The following EPHB2 variants were observed in gnomAD, a reference collection of about 807,000 sequenced individuals.
EPHB2 encodes the protein ephrin type-B receptor 2.
EPHB2 carries 18 observed loss-of-function variants against 96.4 expected under a neutral mutation model. That is an observed-to-expected ratio of 0.19 (90% CI 0.13 to 0.28). The LOEUF is 0.28. EPHB2 is among the 10% of genes least tolerant of loss of function. EPHB2 has a pLI of 1.00. For synonymous variants in EPHB2, 506 were observed against 534.1 expected, an observed-to-expected ratio of 0.95 and a Z score of 0.72; for missense variants, 989 against 1,355.4, an observed-to-expected ratio of 0.73 and a Z score of 4.25.
At position 22,913,882 on chromosome 1, in the gene EPHB2, G is replaced by A; in HGVS notation, c.*312G>A. Reference sequence around the variant, plus strand: ...CTTGCGGGGGATAAAAAAGGGCTTGGGAGATTCATGCGATGTGTCCAATCG... The same window carrying A: ...CTTGCGGGGGATAAAAAAGGGCTTGAGAGATTCATGCGATGTGTCCAATCG... On this transcript the variant is annotated 3_prime_UTR_variant, in exon 16 of 16. Transcript: ENST00000374630. The surrounding 1 kb of genome is among the most constrained non-coding windows in gnomAD (Gnocchi z 4.1). 1.3e-6 allele frequency: 2 copies of A among 1,583,960 alleles called. No individual in the cohort carries two copies. Among genetic ancestry groups the A allele is most frequent in the East Asian group, 4.5e-5 (2 of 44,548 alleles).
chr1:22,765,516 C>T (rs1033667922), intron 1 of EPHB2, among the ~76,000 whole-genome samples: 8 of 141,676 alleles, frequency 5.6e-5, no homozygotes, highest in African/African-American at 1.6e-4. Flanking sequence ...CACTGCACTC[C>T]GGCCTGGGTG....
chr1:22,912,606 G>T lies in EPHB2; in HGVS notation c.2852+7G>T, dbSNP rs770240793. On this transcript the variant is annotated splice_region_variant and intron_variant, in intron 15 of 15. Transcript: ENST00000374630. Reference sequence around the variant, plus strand: ...TGTCTCAGATGATGATGGAGTAAGTGCCCAGCCACTTCTGCTTGTCACCTT... The same window carrying T: ...TGTCTCAGATGATGATGGAGTAAGTTCCCAGCCACTTCTGCTTGTCACCTT... 2 of 1,613,212 alleles carry T rather than the reference G, an allele frequency of 1.2e-6. No homozygotes were observed. The highest frequency in any genetic ancestry group is 2.7e-5 in the African/African-American group (2 of 74,860).
chr1:22,773,612 G>A (rs1318824633), intron 1 of EPHB2, among the ~76,000 whole-genome samples: 2 of 152,122 alleles, frequency 1.3e-5, no homozygotes, highest in African/African-American at 4.8e-5. Context: ...AATTTCCTCT[G>A]CCAAGACCAC....
chr1:22,840,018 G>A lies in EPHB2; in HGVS notation c.812-23019G>A, dbSNP rs549923325. Among the ~76,000 whole-genome samples, 4 of 152,302 alleles carry A rather than the reference G, an allele frequency of 2.6e-5. No individual in the cohort carries two copies. The East Asian group carries it at 5.8e-4, about 22-fold the overall frequency. The stretch of plus-strand genomic sequence containing the variant: ...GCTGGGACTTGAACGTAGCCCTGGC[G>A]CAGTGCCTGGCTGCTTCATTGTAAG... On this transcript the variant is annotated intron_variant, in intron 3 of 15. Transcript: ENST00000374630.
rs1638327952 is a variant in EPHB2 at position 22,863,029 on chromosome 1, T to C, written c.812-8T>C. The C allele has an allele frequency of 2.5e-6, 4 of 1,614,150 alleles. No homozygotes were observed. Among genetic ancestry groups the C allele is most frequent in the Non-Finnish European group, 2.5e-6 (3 of 1,180,014 alleles). ...TTTCCTGGTGACTCTCCTTGTCTTC[T>C]CTCTCAGGTTGTCCATCTGGGACTT... On this transcript the variant is annotated splice_region_variant and splice_polypyrimidine_tract_variant and intron_variant, in intron 3 of 15. Transcript: ENST00000374630.
chr1:22,725,138 G>T (rs952149834), intron 1 of EPHB2, among the ~76,000 whole-genome samples: 1 of 152,118 alleles, frequency 6.6e-6, no homozygotes, highest in Non-Finnish European at 1.5e-5. Flanking sequence ...CACCATACTG[G>T]GAGATTCTCA....
chr1:22,810,988 G>A (rs963818748), intron 3 of EPHB2, among the ~76,000 whole-genome samples: 8 of 152,172 alleles, frequency 5.3e-5, no homozygotes, highest in African/African-American at 1.9e-4. Context: ...TTGGAGTGAG[G>A]TGTCAAGGAC....
intron 3 of EPHB2, among the ~76,000 whole-genome samples, chr1:22,826,476 G>A (rs10917312): frequency 0.54 from 82,170 of 152,160 alleles, 22,300 homozygotes; most frequent in East Asian, 0.7. Context: ...AGACAATTTG[G>A]TTTTGACCAG....
intron 1 of EPHB2, among the ~76,000 whole-genome samples, chr1:22,744,187 G>A (rs954658090): frequency 3.3e-5 from 5 of 151,454 alleles, no homozygotes; most frequent in East Asian, 1.9e-4. Flanking sequence ...CCCCACCCCC[G>A]TGGAAAACAG....
intron 1 of EPHB2, among the ~76,000 whole-genome samples, chr1:22,777,993 C>G (rs1001390922): frequency 1.1e-4 from 17 of 151,222 alleles, no homozygotes; most frequent in African/African-American, 4.1e-4. Flanking sequence ...AGAGGTAGAA[C>G]AAATAAAGGT....
intron 3 of EPHB2, among the ~76,000 whole-genome samples, chr1:22,786,169 C>A (rs1644608099): frequency 6.6e-6 from 1 of 152,182 alleles, no homozygotes; most frequent in South Asian, 2.1e-4. Flanking sequence ...AGCGGTATCA[C>A]CTTGGCCAAG....
At chr1:22,912,880 A>C (rs1640153837) in intron 15 of EPHB2, 2 of 449,948 alleles carry the variant, frequency 4.4e-6, no homozygotes, top group Non-Finnish European at 8.4e-6. Context: ...GGGAGATATA[A>C]AGGAAGCGGG....
rs147999392 is a variant in EPHB2, at chr1:22,831,358, C to A, written c.812-31679C>A. On this transcript the variant is annotated intron_variant, in intron 3 of 15. Coordinates refer to ENST00000374630, the MANE Select transcript of EPHB2 (RefSeq NM_017449.5). ...AGTGGCTGCCCCTTGCTACCTCCCC[C>A]CTTAGCAGAAAGTGAAAGCATTTTG... 7.2e-5 allele frequency among the ~76,000 whole-genome samples: 11 copies of A among 152,174 alleles called. No individual in the cohort carries two copies. The South Asian group carries it at 1.0e-3, about 14-fold the overall frequency.
chr1:22,788,781 G>A (rs1370310664), intron 3 of EPHB2, among the ~76,000 whole-genome samples: 1 of 143,732 alleles, frequency 7.0e-6, no homozygotes, highest in Non-Finnish European at 1.5e-5. Context: ...TTGTGACAGG[G>A]TCTCACTTTA....
At chr1:22,808,145 A>AG (rs1175166488) in intron 3 of EPHB2, among the ~76,000 whole-genome samples, 1 of 152,008 alleles carries the variant, frequency 6.6e-6, no homozygotes, top group African/African-American at 2.4e-5. Flanking sequence ...AAAAAAAGAA[A>AG]AAGAAAAAGA....
At position 22,846,579 on chromosome 1, in the gene EPHB2, G is replaced by A. The variant is rs549594164; in HGVS notation, c.812-16458G>A. On this transcript the variant is annotated intron_variant, in intron 3 of 15. Transcript: ENST00000374630. This position sits in a 1 kb window ranked among gnomAD's most constrained non-coding sequence, Gnocchi z 4.3. The stretch of plus-strand genomic sequence containing the variant: ...TTGGCACGCACCTGTTGCTGGGTAG[G>A]CGGCTTGTTGCCTCTCCAGCCTCGT... Among the ~76,000 whole-genome samples, 11 of 152,308 alleles carry A rather than the reference G, an allele frequency of 7.2e-5. No homozygotes were observed. Among genetic ancestry groups the A allele is most frequent in the African/African-American group, 2.6e-4 (11 of 41,572 alleles).
In EPHB2 at chr1:22,788,984, G is replaced by A. The variant is rs542766188; in HGVS notation, c.811+3908G>A. 5.9e-5 allele frequency among the ~76,000 whole-genome samples: 9 copies of A among 152,132 alleles called. No homozygotes were observed. In the South Asian group the frequency reaches 1.9e-3, roughly 32 times the overall value. ...TGACCAGGCTGGTCTCGAACTCCTG[G>A]ACTCAAGTGATCCACCTGCCTTAGC... is the stretch of plus-strand genomic sequence containing the variant. On this transcript the variant is annotated intron_variant, in intron 3 of 15. Coordinates refer to ENST00000374630, the MANE Select transcript of EPHB2 (RefSeq NM_017449.5).
At chr1:22,837,904 C>A (rs1645407548) in intron 3 of EPHB2, among the ~76,000 whole-genome samples, 1 of 151,330 alleles carries the variant, frequency 6.6e-6, no homozygotes. Context: ...GGTCTAATGA[C>A]CCCTTCCCTC....
At chr1:22,742,611 A>T (rs1643917535) in intron 1 of EPHB2, among the ~76,000 whole-genome samples, 1 of 152,002 alleles carries the variant, frequency 6.6e-6, no homozygotes, top group East Asian at 1.9e-4. Flanking sequence ...GGCTCAAGCG[A>T]TCCCCCCACC....
Sources: allele counts gnomAD v4.1 joint callset (sites outside exome capture counted in the v4.1 genomes callset), GRCh38; gene constraint gnomAD v4.1.1; non-coding constraint Gnocchi (gnomAD v3.1); transcripts MANE v1.5; gene names NCBI Gene and HGNC (gene_info 2026-07-23, HGNC 2026-07-21).